The following DCLK1 variants were observed in gnomAD, a reference collection of about 807,000 sequenced individuals.
The protein encoded by DCLK1 is serine/threonine-protein kinase DCLK1.
Under a neutral mutation model 86.2 loss-of-function variants are expected in DCLK1, and 16 were observed. That is an observed-to-expected ratio of 0.19 (90% CI 0.13 to 0.28). DCLK1 has a LOEUF of 0.28. Among genes scored for constraint, DCLK1 ranks in the 10% least tolerant of loss-of-function variants. The probability of loss-of-function intolerance (pLI) is 1.00; values close to 1 mark genes in which losing one functional copy is unlikely to be tolerated. For synonymous variants in DCLK1, 369 were observed against 370.5 expected (o/e 1.00, Z 0.05); for missense variants, 590 against 940.2 (o/e 0.63, Z 4.87).
intron 3 of DCLK1, among the ~76,000 whole-genome samples, chr13:36,057,924 T>C (rs567034977): frequency 6.6e-6 from 1 of 152,328 alleles, no homozygotes; most frequent in Non-Finnish European, 1.5e-5. Flanking sequence ...GGATGCATAC[T>C]ATGACTTCTG....
At chr13:35,850,955 G>A (rs761351517) in intron 6 of DCLK1, among the ~76,000 whole-genome samples, 1 of 152,140 alleles carries the variant, frequency 6.6e-6, no homozygotes, top group Non-Finnish European at 1.5e-5. Context: ...TAAACAAAAT[G>A]GTGCTGGTTT....
chr13:35,897,145 G>A (rs1268014382), intron 4 of DCLK1, among the ~76,000 whole-genome samples: 1 of 152,186 alleles, frequency 6.6e-6, no homozygotes, highest in Non-Finnish European at 1.5e-5. Context: ...ACCAGATGAT[G>A]TAGGGTATTT....
At chr13:35,886,007 C>CTTTTTTTT (rs10589320) in intron 4 of DCLK1, among the ~76,000 whole-genome samples, 2 of 130,716 alleles carry the variant, frequency 1.5e-5, no homozygotes, top group African/African-American at 6.0e-5. Context: ...GAATAGGTTC[C>CTTTTTTTT]TTTTTTTTTT....
At chr13:36,083,766 T>C (rs950047923) in intron 3 of DCLK1, among the ~76,000 whole-genome samples, 11 of 152,176 alleles carry the variant, frequency 7.2e-5, no homozygotes, top group East Asian at 1.9e-4. Context: ...CACTGTGGTG[T>C]AGGTGCTTAG....
intron 4 of DCLK1, among the ~76,000 whole-genome samples, chr13:35,897,897 T>G (rs149339260): frequency 0.012 from 1,811 of 152,326 alleles, 29 homozygotes; most frequent in African/African-American, 0.036. Flanking sequence ...TTTTAATTTT[T>G]CATCTTAAAC....
chr13:35,958,605 G>GCCTT, intron 3 of DCLK1, among the ~76,000 whole-genome samples: 1 of 152,196 alleles, frequency 6.6e-6, no homozygotes, highest in South Asian at 2.1e-4. Context: ...TCTCCATAAG[G>GCCTT]GGAGCCCTTA....
intron 2 of DCLK1, among the ~76,000 whole-genome samples, chr13:36,118,049 G>A (rs766149043): frequency 4.0e-5 from 6 of 151,026 alleles, no homozygotes; most frequent in Non-Finnish European, 8.8e-5. Flanking sequence ...GCACAGTACA[G>A]AAAGGGATAT....
At chr13:36,074,054 T>G (rs1269812281) in intron 3 of DCLK1, among the ~76,000 whole-genome samples, 1 of 152,198 alleles carries the variant, frequency 6.6e-6, no homozygotes, top group Non-Finnish European at 1.5e-5. Context: ...TACTATAATC[T>G]CTAGTTCTTC....
At chr13:36,104,345 T>C (rs977937401) in intron 3 of DCLK1, among the ~76,000 whole-genome samples, 13 of 152,202 alleles carry the variant, frequency 8.5e-5, no homozygotes, top group Non-Finnish European at 1.2e-4. Flanking sequence ...CAAAGGCCAA[T>C]AGAACACCTT....
At chr13:36,071,017 A>C (rs1883955621) in intron 3 of DCLK1, among the ~76,000 whole-genome samples, 1 of 152,170 alleles carries the variant, frequency 6.6e-6, no homozygotes, top group Non-Finnish European at 1.5e-5. Context: ...CTTGGCCTCC[A>C]AGCTAGGTCA....
At chr13:36,059,742 C>A (rs1427727383) in intron 3 of DCLK1, among the ~76,000 whole-genome samples, 1 of 152,040 alleles carries the variant, frequency 6.6e-6, no homozygotes, top group Non-Finnish European at 1.5e-5. Flanking sequence ...TAAAAGAAAA[C>A]CCCTCTTGCT....
At chr13:35,901,491 C>CAAAAAAAAAAAAAAAAAAAAA (rs58801666) in intron 4 of DCLK1, among the ~76,000 whole-genome samples, 1 of 45,872 alleles carries the variant, frequency 2.2e-5, no homozygotes, top group African/African-American at 9.7e-5. Flanking sequence ...GACTCTGTCT[C>CAAAAAAAAAAAAAAAAAAAAA]AAAAAAAAAA....
At chr13:35,925,258 G>A (rs867922561) in intron 4 of DCLK1, among the ~76,000 whole-genome samples, 3 of 152,172 alleles carry the variant, frequency 2.0e-5, no homozygotes, top group Admixed American at 2.0e-4. Flanking sequence ...TACCTGCTAC[G>A]GGCATCTTGG....
At chr13:35,797,687 T>C (rs2086839545) in intron 15 of DCLK1, among the ~76,000 whole-genome samples, 1 of 151,864 alleles carries the variant, frequency 6.6e-6, no homozygotes. Flanking sequence ...ACACACCCCA[T>C]GACAATGAAA....
chr13:36,002,056 T>A (rs981536532), intron 3 of DCLK1, among the ~76,000 whole-genome samples: 17 of 152,158 alleles, frequency 1.1e-4, no homozygotes, highest in African/African-American at 4.1e-4. Flanking sequence ...AAACAACAAC[T>A]CTACTCACAA....
At chr13:36,084,537 TA>T (rs67413905) in intron 3 of DCLK1, among the ~76,000 whole-genome samples, 11,249 of 152,220 alleles carry the variant, frequency 0.074, 688 homozygotes, top group African/African-American at 0.16. Context: ...AACTGAATTA[TA>T]AAGGAGGGGG....
intron 5 of DCLK1, among the ~76,000 whole-genome samples, chr13:35,868,525 T>C (rs1242262321): frequency 6.6e-6 from 1 of 152,234 alleles, no homozygotes; most frequent in Admixed American, 6.5e-5. Context: ...AAAGGTTAAG[T>C]AAAATTTAAG....
At chr13:36,062,709 T>C (rs1464287995) in intron 3 of DCLK1, among the ~76,000 whole-genome samples, 2 of 152,168 alleles carry the variant, frequency 1.3e-5, no homozygotes, top group Admixed American at 6.5e-5. Context: ...CAAACTGTGA[T>C]GTTTCAAATT....
At chr13:35,896,312 G>A (rs941904755) in intron 4 of DCLK1, among the ~76,000 whole-genome samples, 9 of 152,018 alleles carry the variant, frequency 5.9e-5, no homozygotes, top group Admixed American at 5.2e-4. Context: ...GCCAAGGAGG[G>A]TGGATCACCT....
Sources: gnomAD v4.1 joint callset for allele counts (sites outside exome capture counted in the v4.1 genomes callset) on GRCh38, gnomAD v4.1.1 for gene constraint, MANE v1.5 for transcripts, NCBI Gene and HGNC (gene_info 2026-07-23, HGNC 2026-07-21) for gene names.